The following MAST4 variants were observed in gnomAD, a reference collection of about 807,000 sequenced individuals.
The protein encoded by MAST4 is microtubule associated serine/threonine kinase family member 4, also known as microtubule-associated serine/threonine-protein kinase 4.
A neutral mutation model predicts 162.7 loss-of-function variants in MAST4; 89 were observed. The ratio of observed to expected loss-of-function variants is 0.55; its 90% CI spans 0.46 to 0.65. MAST4 has a LOEUF of 0.65. MAST4 is among the 30% of genes least tolerant of loss of function. MAST4 has a pLI of 0.00. For synonymous variants in MAST4, 1,479 were observed against 1,361.1 expected (o/e 1.09, Z -1.91); for missense variants, 3,153 against 3,374.0 (o/e 0.93, Z 1.62).
intron 11 of MAST4, among the ~76,000 whole-genome samples, chr5:67,113,757 T>C (rs1766543662): frequency 1.3e-5 from 2 of 152,306 alleles, no homozygotes; most frequent in South Asian, 4.1e-4. Flanking sequence ...ACAACTTTGC[T>C]AGAAAGGCAC....
In MAST4 at chr5:66,636,487, G is replaced by T. The variant is rs558951683; in HGVS notation, c.363+39469G>T. ...AGCAAATATGTGAGGGAGGGAGAGGGTTGATACTCGTTTGTGGTGGTGGTT... is the reference window on the plus strand; with the variant it reads ...AGCAAATATGTGAGGGAGGGAGAGGTTTGATACTCGTTTGTGGTGGTGGTT... On this transcript the variant is annotated intron_variant, in intron 1 of 28. Transcript: ENST00000403625. 3.4e-3 allele frequency among the ~76,000 whole-genome samples: 525 copies of T among 152,264 alleles called. 3 individuals carry two copies. The highest frequency in any genetic ancestry group is 0.012 in the African/African-American group (493 of 41,552).
At chr5:66,742,453 A>G (rs1031701134) in intron 1 of MAST4, among the ~76,000 whole-genome samples, 2 of 152,172 alleles carry the variant, frequency 1.3e-5, no homozygotes, top group Non-Finnish European at 2.9e-5. Context: ...AAAATTGTTT[A>G]TAGACATGGT....
In MAST4 at chr5:67,167,200, G is replaced by A. The variant is rs1774155454; in HGVS notation, c.*149G>A. The A allele has an allele frequency of 2.0e-6, 1 of 498,776 alleles. No individual in the cohort carries two copies. Among genetic ancestry groups the A allele is most frequent in the Admixed American group, 4.2e-5 (1 of 23,720 alleles). 30.9% of individuals were successfully genotyped at this position (498,776 alleles called of 1,614,324 possible). On this transcript the variant is annotated 3_prime_UTR_variant, in exon 29 of 29. Transcript: ENST00000403625. ...ACAGGGGAGAGAGAAAGACAAAGAGGGGACCTTCTTCCAGATGCCTTCCCA... is the reference window on the plus strand; with the variant it reads ...ACAGGGGAGAGAGAAAGACAAAGAGAGGACCTTCTTCCAGATGCCTTCCCA...
intron 4 of MAST4, among the ~76,000 whole-genome samples, chr5:67,049,024 T>TACACACACAC (rs1491542835): frequency 4.2e-5 from 2 of 48,074 alleles, no homozygotes; most frequent in African/African-American, 2.1e-4. Flanking sequence ...TATATATACG[T>TACACACACAC]ATATATATAT....
chr5:67,088,062 G>T (rs1763446734), intron 5 of MAST4, among the ~76,000 whole-genome samples: 1 of 152,002 alleles, frequency 6.6e-6, no homozygotes, highest in South Asian at 2.1e-4. Context: ...CTATATCTCT[G>T]CCCATTCATC....
chr5:67,089,958 C>T (rs1038139821), intron 5 of MAST4, among the ~76,000 whole-genome samples: 2 of 152,150 alleles, frequency 1.3e-5, no homozygotes, highest in Admixed American at 1.3e-4. Context: ...ACTTAGAAAG[C>T]TGTGCTGGAA....
intron 2 of MAST4, among the ~76,000 whole-genome samples, chr5:66,787,956 G>A (rs965643059): frequency 4.6e-5 from 7 of 152,120 alleles, no homozygotes; most frequent in African/African-American, 1.4e-4. Flanking sequence ...ATCATTTCTT[G>A]TGTGTTAATA....
At chr5:66,884,714 C>G (rs1167841336) in intron 3 of MAST4, among the ~76,000 whole-genome samples, 2 of 152,196 alleles carry the variant, frequency 1.3e-5, no homozygotes, top group African/African-American at 4.8e-5. Flanking sequence ...TAAGCTAGGT[C>G]AGCTATCATA....
chr5:66,994,623 C>T (rs1820155), intron 4 of MAST4, among the ~76,000 whole-genome samples: 2,848 of 152,238 alleles, frequency 0.019, 33 homozygotes, highest in Non-Finnish European at 0.025. Flanking sequence ...TATGACAGTA[C>T]ATTGAATACA....
At chr5:66,782,547 C>T (rs1282836070) in intron 2 of MAST4, among the ~76,000 whole-genome samples, 1 of 152,184 alleles carries the variant, frequency 6.6e-6, no homozygotes, top group African/African-American at 2.4e-5. Flanking sequence ...TGTATCAATC[C>T]GTCCAACTGA....
At chr5:66,671,069 A>G (rs1396795209) in intron 1 of MAST4, among the ~76,000 whole-genome samples, 3 of 152,056 alleles carry the variant, frequency 2.0e-5, no homozygotes, top group Non-Finnish European at 4.4e-5. Flanking sequence ...TGTGTGTGCC[A>G]TTTCATAGTC....
chr5:67,110,176 C>T lies in MAST4; in HGVS notation c.1435C>T (p.Pro479Ser), dbSNP rs1373291686. ...AAAGATCCTAATTGTTATTGCCCGC[C>T]CTGCTCGGTTATTAGAGTGCCTGGT... ...VRKILIVIAR[P>S]ARLLECLEFD... Residue 479 changes from proline (P) to serine (S), a missense_variant, in exon 11 of 29, where the codon CCT becomes TCT. Transcript: ENST00000403625. 1.2e-6 allele frequency: 2 copies of T among 1,613,434 alleles called. No homozygotes were observed. The highest frequency in any genetic ancestry group is 1.7e-5 in the Admixed American group (1 of 60,016).
intron 1 of MAST4, among the ~76,000 whole-genome samples, chr5:66,716,524 AT>A (rs60763794): frequency 0.02 from 2,926 of 143,544 alleles, 78 homozygotes; most frequent in African/African-American, 0.064. Context: ...TAAAAAAAAA[AT>A]TTTTTTTTTT....
chr5:66,879,096 G>T (rs1421418689), intron 3 of MAST4, among the ~76,000 whole-genome samples: 2 of 152,134 alleles, frequency 1.3e-5, no homozygotes, highest in Non-Finnish European at 2.9e-5. Flanking sequence ...TGGCCAACAT[G>T]GTGAAACCCT....
At chr5:66,835,755 A>G (rs983235701) in intron 3 of MAST4, among the ~76,000 whole-genome samples, 57 of 152,204 alleles carry the variant, frequency 3.7e-4, no homozygotes, top group African/African-American at 1.2e-3. Flanking sequence ...AGAGCTTTTT[A>G]AAGTGTCTTA....
intron 2 of MAST4, among the ~76,000 whole-genome samples, chr5:66,760,322 G>A (rs1002652359): frequency 2.0e-5 from 3 of 152,014 alleles, no homozygotes; most frequent in African/African-American, 7.2e-5. Flanking sequence ...CACCGTGTTG[G>A]CCAAGATGGT....
At chr5:67,048,745 C>T (rs1395782876) in intron 4 of MAST4, among the ~76,000 whole-genome samples, 1 of 151,746 alleles carries the variant, frequency 6.6e-6, no homozygotes, top group Admixed American at 6.6e-5. Flanking sequence ...TACTTAACTT[C>T]AGCTTCTACA....
chr5:66,964,079 T>A, intron 4 of MAST4: 1 of 568,680 alleles, frequency 1.8e-6, no homozygotes, highest in Non-Finnish European at 3.4e-6. Context: ...TTGATCAATA[T>A]AAAGATATAA....
chr5:66,910,988 C>T (rs1046829299), intron 4 of MAST4, among the ~76,000 whole-genome samples: 13 of 152,110 alleles, frequency 8.5e-5, no homozygotes, highest in East Asian at 1.9e-4. Flanking sequence ...CTTTGTGATC[C>T]GCCCACATTG....
Sources: gnomAD v4.1 joint callset for allele counts (sites outside exome capture counted in the v4.1 genomes callset) on GRCh38, gnomAD v4.1.1 for gene constraint, MANE v1.5 for transcripts, NCBI Gene and HGNC (gene_info 2026-07-23, HGNC 2026-07-21) for gene names.